Variants in PPP2R3A observed in about 807,000 individuals in gnomAD.
The protein encoded by PPP2R3A is serine/threonine-protein phosphatase 2A regulatory subunit B'' subunit alpha.
Under a neutral mutation model 106.9 loss-of-function variants are expected in PPP2R3A, and 80 were observed. That is an observed-to-expected ratio of 0.75 (90% CI 0.62 to 0.90). The LOEUF (loss-of-function observed/expected upper bound fraction) is 0.90. Ranked by LOEUF, PPP2R3A falls within the 40% of genes least tolerant of loss-of-function variation. The pLI is 0.00. For missense variants in PPP2R3A, 1,386 were observed against 1,350.4 expected, an observed-to-expected ratio of 1.03 and a Z score of -0.41; for synonymous variants, 483 against 468.3, an observed-to-expected ratio of 1.03 and a Z score of -0.41.
At chr3:136,127,358 T>G (rs1234930033) in intron 13 of PPP2R3A, among the ~76,000 whole-genome samples, 2 of 152,066 alleles carry the variant, frequency 1.3e-5, no homozygotes, top group Non-Finnish European at 2.9e-5. Context: ...GCACAAGAAC[T>G]TCCTGACATA....
intron 1 of PPP2R3A, among the ~76,000 whole-genome samples, chr3:135,968,404 A>G (rs1180062172): frequency 6.6e-6 from 1 of 152,222 alleles, no homozygotes; most frequent in Non-Finnish European, 1.5e-5. Context: ...TGGACGGTGA[A>G]GGATTAACAG....
rs191296687 is a variant in PPP2R3A, at chr3:136,146,984, A to G, written c.*1818A>G. The G allele has an allele frequency of 6.7e-6, 1 of 148,272 alleles. No homozygotes were observed. 9.2% of individuals were successfully genotyped at this position (148,272 alleles called of 1,614,324 possible). On this transcript the variant is annotated 3_prime_UTR_variant, in exon 14 of 14. Coordinates refer to ENST00000264977, the MANE Select transcript of PPP2R3A (RefSeq NM_002718.5). ...GTAAAAATTCAATTTTACAATATACATTTTTTTTTTTAACTATTTGGCTTT... is the reference window on the plus strand; with the variant it reads ...GTAAAAATTCAATTTTACAATATACGTTTTTTTTTTTAACTATTTGGCTTT...
At chr3:136,057,865 T>C (rs1388856319) in intron 5 of PPP2R3A, among the ~76,000 whole-genome samples, 3 of 152,076 alleles carry the variant, frequency 2.0e-5, no homozygotes, top group Non-Finnish European at 2.9e-5. Context: ...TAAATTAGTA[T>C]AGCCATTATG....
intron 4 of PPP2R3A, among the ~76,000 whole-genome samples, chr3:136,045,899 A>G (rs563276745): frequency 1.3e-5 from 2 of 152,306 alleles, no homozygotes; most frequent in South Asian, 4.1e-4. Flanking sequence ...AAGATCCCAT[A>G]CAGGCCAGGC....
intron 5 of PPP2R3A, among the ~76,000 whole-genome samples, chr3:136,067,439 G>A (rs996147566): frequency 6.6e-6 from 1 of 152,176 alleles, no homozygotes; most frequent in Non-Finnish European, 1.5e-5. Flanking sequence ...GTACCACCTT[G>A]AGAAAGTTTT....
chr3:136,133,709 T>A (rs1938503985), intron 13 of PPP2R3A, among the ~76,000 whole-genome samples: 1 of 151,940 alleles, frequency 6.6e-6, no homozygotes, highest in Non-Finnish European at 1.5e-5. Flanking sequence ...TCCATCAAAC[T>A]GGTGAACTGA....
intron 2 of PPP2R3A, chr3:136,022,958 G>T: frequency 6.5e-7 from 1 of 1,536,212 alleles, no homozygotes. Context: ...CATTTCTTTG[G>T]GAGATAAGAA....
rs1559949831 is a variant in PPP2R3A at position 136,147,410 on chromosome 3, TTTAA to T, written c.*2245_*2248del. 6.6e-6 allele frequency: 1 copy of T among 152,638 alleles called. No homozygotes were observed. The highest frequency in any genetic ancestry group is 1.5e-5 in the Non-Finnish European group (1 of 68,034). 9.5% of individuals were successfully genotyped at this position (152,638 alleles called of 1,614,324 possible). On this transcript the variant is annotated 3_prime_UTR_variant, in exon 14 of 14. Transcript: ENST00000264977. Reference sequence around the variant, plus strand: ...AAGTACATCCATCAATACCATTCCATTTAAAATGGGCTATTGTAATTTACCCACA... The same window carrying T: ...AAGTACATCCATCAATACCATTCCATAATGGGCTATTGTAATTTACCCACA...
At chr3:136,038,474 AC>A (rs1233437435) in intron 3 of PPP2R3A, among the ~76,000 whole-genome samples, 1 of 152,164 alleles carries the variant, frequency 6.6e-6, no homozygotes, top group Admixed American at 6.5e-5. Context: ...AGTGGAAGTT[AC>A]CCCACAGAAG....
intron 1 of PPP2R3A, among the ~76,000 whole-genome samples, chr3:135,974,729 C>A (rs1396993797): frequency 6.6e-6 from 1 of 152,372 alleles, no homozygotes; most frequent in East Asian, 1.9e-4. Flanking sequence ...CACCCCAACC[C>A]CCTAGACTGA....
In PPP2R3A at chr3:136,102,089, C is replaced by T; in HGVS notation, c.3010C>T (p.Gln1004Ter). 1 of 1,614,038 alleles carries T rather than the reference C, an allele frequency of 6.2e-7. No individual in the cohort carries two copies. Among genetic ancestry groups the T allele is most frequent in the Non-Finnish European group, 8.5e-7 (1 of 1,180,002 alleles). Reference sequence around the variant, plus strand: ...TGAGCTGGAGTACTTCTATGAGGAGCAGTGTGAACGGATGGAAGCCATGGG... The same window carrying T: ...TGAGCTGGAGTACTTCTATGAGGAGTAGTGTGAACGGATGGAAGCCATGGG... ...MYELEYFYEEQCERMEAMGIE... is the reference protein window; with the variant it reads ...MYELEYFYEE Residue 1004 changes from glutamine (Q) to a stop codon, truncating the protein, a stop_gained, in exon 11 of 14, where the codon CAG (glutamine) becomes TAG (stop). Transcript: ENST00000264977. LOFTEE classifies it high-confidence loss of function.
intron 1 of PPP2R3A, among the ~76,000 whole-genome samples, chr3:135,986,936 G>C (rs1266004132): frequency 6.6e-6 from 1 of 152,066 alleles, no homozygotes; most frequent in Non-Finnish European, 1.5e-5. Flanking sequence ...TTTATGTTCT[G>C]TTGCTTATTT....
At chr3:136,025,639 A>G (rs1219434793) in intron 2 of PPP2R3A, among the ~76,000 whole-genome samples, 3 of 152,132 alleles carry the variant, frequency 2.0e-5, no homozygotes, top group Non-Finnish European at 4.4e-5. Flanking sequence ...CCTATATGTT[A>G]AGAAATATGA....
At position 136,065,970 on chromosome 3, in the gene PPP2R3A, G is replaced by C. The variant is rs1185973890; in HGVS notation, c.2470-4508G>C. On this transcript the variant is annotated intron_variant, in intron 5 of 13. Coordinates refer to ENST00000264977, the MANE Select transcript of PPP2R3A (RefSeq NM_002718.5). ...AATTGCAGGTGAATCACTGCACCTA[G>C]CCAGAAGAAACTTTTAAAATCAGAA... Among the ~76,000 whole-genome samples the C allele has an allele frequency of 2.6e-5, 4 of 152,142 alleles. No homozygotes were observed. In the East Asian group the frequency reaches 5.8e-4, roughly 22 times the overall value.
chr3:136,146,688 A>G lies in PPP2R3A; in HGVS notation c.*1522A>G, dbSNP rs1229188179. 6.6e-6 allele frequency: 1 copy of G among 152,206 alleles called. No individual in the cohort carries two copies. The highest frequency in any genetic ancestry group is 2.4e-5 in the African/African-American group (1 of 41,454). The allele number at this position is 152,206 out of a possible 1,614,324, so 9.4% of individuals were successfully genotyped here. A position where few individuals can be genotyped will look rare whatever the true frequency, so the allele number is the denominator to read the frequency against. Reference sequence around the variant, plus strand: ...GCAGTAACTATTGCAACTATCTAATAGTTCACACAAAAGAATTAAAAGCTT... The same window carrying G: ...GCAGTAACTATTGCAACTATCTAATGGTTCACACAAAAGAATTAAAAGCTT... On this transcript the variant is annotated 3_prime_UTR_variant, in exon 14 of 14. Transcript: ENST00000264977.
intron 2 of PPP2R3A, among the ~76,000 whole-genome samples, chr3:136,019,125 G>A (rs1002411371): frequency 2.6e-5 from 4 of 152,200 alleles, no homozygotes; most frequent in African/African-American, 9.7e-5. Context: ...AAGTTCATGA[G>A]TGATCTGCAG....
intron 10 of PPP2R3A, among the ~76,000 whole-genome samples, chr3:136,097,987 C>T (rs772573192): frequency 6.6e-6 from 1 of 152,212 alleles, no homozygotes; most frequent in Non-Finnish European, 1.5e-5. Flanking sequence ...TATGACTGAA[C>T]CTCACCATAG....
intron 13 of PPP2R3A, among the ~76,000 whole-genome samples, chr3:136,108,407 G>A (rs1022266366): frequency 1.3e-5 from 2 of 152,006 alleles, no homozygotes; most frequent in Admixed American, 6.6e-5. Flanking sequence ...GACTATGAAA[G>A]ATCAAGTAAA....
chr3:136,079,225 T>C, intron 7 of PPP2R3A: 1 of 453,532 alleles, frequency 2.2e-6, no homozygotes, highest in Non-Finnish European at 4.4e-6. Context: ...TGAACAGTCA[T>C]CATCACAGTC....
Sources: allele counts gnomAD v4.1 joint callset (sites outside exome capture counted in the v4.1 genomes callset), GRCh38; gene constraint gnomAD v4.1.1; transcripts MANE v1.5; gene names NCBI Gene and HGNC (gene_info 2026-07-23, HGNC 2026-07-21).